Variants in WWOX observed in about 807,000 individuals in gnomAD.
WWOX encodes WW domain containing oxidoreductase, also known as WW domain-containing oxidoreductase.
In WWOX, 69 loss-of-function variants were observed where a neutral mutation model predicts 46.2. That is an observed-to-expected ratio of 1.49 (90% CI 1.23 to 1.82). The LOEUF is 1.82. Ranked by LOEUF, WWOX falls within the 40% of genes most tolerant of loss-of-function variation. The pLI is 0.00. For synonymous variants in WWOX, 359 were observed against 202.6 expected, an observed-to-expected ratio of 1.77 and a Z score of -6.56; for missense variants, 919 against 542.6, an observed-to-expected ratio of 1.69 and a Z score of -6.89.
chr16:78,372,490 G>A (rs376534421), intron 5 of WWOX, among the ~76,000 whole-genome samples: 1 of 152,174 alleles, frequency 6.6e-6, no homozygotes, highest in Non-Finnish European at 1.5e-5. Flanking sequence ...ATCACGCTGG[G>A]GAGGTAAAGA....
chr16:78,722,086 T>C (rs991789246), intron 8 of WWOX, among the ~76,000 whole-genome samples: 5 of 152,210 alleles, frequency 3.3e-5, no homozygotes, highest in Non-Finnish European at 5.9e-5. Context: ...ATATTTTGCT[T>C]TACGTGCCTT....
At chr16:79,090,280 CGTGTGTGTGTGTGTGTGTGTGT>C (rs61538157) in intron 8 of WWOX, among the ~76,000 whole-genome samples, 9 of 138,378 alleles carry the variant, frequency 6.5e-5, no homozygotes, top group African/African-American at 2.1e-4. Flanking sequence ...CTACTGTGTG[CGTGTGTGTGTGTGTGTGTGTGT>C]GTGTGTGTGT....
chr16:78,222,815 G>A (rs757734673), intron 5 of WWOX, among the ~76,000 whole-genome samples: 1 of 152,244 alleles, frequency 6.6e-6, no homozygotes, highest in Non-Finnish European at 1.5e-5. Flanking sequence ...GTTTTATGGT[G>A]CTGAAGAAGT....
intron 8 of WWOX, among the ~76,000 whole-genome samples, chr16:79,029,627 A>T (rs1268089429): frequency 6.6e-6 from 1 of 152,220 alleles, no homozygotes; most frequent in Non-Finnish European, 1.5e-5. Context: ...ATATATTCTT[A>T]TATAAAATTG....
At chr16:78,868,416 G>A (rs1267227288) in intron 8 of WWOX, among the ~76,000 whole-genome samples, 4 of 152,078 alleles carry the variant, frequency 2.6e-5, no homozygotes, top group African/African-American at 9.7e-5. Flanking sequence ...GGCAATTTTG[G>A]GGGGTCAAGA....
At chr16:78,707,125 T>C (rs1287038659) in intron 8 of WWOX, among the ~76,000 whole-genome samples, 2 of 152,236 alleles carry the variant, frequency 1.3e-5, no homozygotes, top group African/African-American at 4.8e-5. Context: ...CTTCCTATAG[T>C]GTTGATTCTG....
At chr16:78,660,639 C>G (rs115571729) in intron 8 of WWOX, among the ~76,000 whole-genome samples, 2,978 of 152,154 alleles carry the variant, frequency 0.02, 74 homozygotes, top group African/African-American at 0.068. Context: ...AATAACCCAT[C>G]AAAGGAATAG....
intron 5 of WWOX, among the ~76,000 whole-genome samples, chr16:78,385,140 C>CACACACACACAA (rs2082034774): frequency 6.6e-6 from 1 of 151,140 alleles, no homozygotes; most frequent in African/African-American, 2.4e-5. Flanking sequence ...TCTAAACACA[C>CACACACACACAA]ACACACACAC....
chr16:78,527,200 C>T (rs1282750723), intron 8 of WWOX, among the ~76,000 whole-genome samples: 1 of 152,020 alleles, frequency 6.6e-6, no homozygotes, highest in African/African-American at 2.4e-5. Context: ...AGATGAACAA[C>T]CCCACACAAC....
chr16:78,210,740 C>G (rs375393514), intron 5 of WWOX, among the ~76,000 whole-genome samples: 49 of 152,254 alleles, frequency 3.2e-4, no homozygotes, highest in African/African-American at 1.1e-3. Context: ...CAGAGGGTGG[C>G]CAAGTGGCAT....
chr16:78,404,980 C>T (rs1031767728), intron 6 of WWOX, among the ~76,000 whole-genome samples: 1 of 152,170 alleles, frequency 6.6e-6, no homozygotes, highest in African/African-American at 2.4e-5. Context: ...ATGCATTTTC[C>T]CTAGAAAACC....
At position 78,345,617 on chromosome 16, in the gene WWOX, G is replaced by A. The variant is rs1402513588; in HGVS notation, c.517-41243G>A. ...ATCCTGTCTCTACACCTCAGTCTGGGTGGCAGAGCAAGACCCTGTCTCAAA... is the reference window on the plus strand; with the variant it reads ...ATCCTGTCTCTACACCTCAGTCTGGATGGCAGAGCAAGACCCTGTCTCAAA... On this transcript the variant is annotated intron_variant, in intron 5 of 8. Coordinates refer to ENST00000566780, the MANE Select transcript of WWOX (RefSeq NM_016373.4). Among the ~76,000 whole-genome samples, 4 of 91,918 alleles carry A rather than the reference G, an allele frequency of 4.4e-5. 2 individuals are homozygous for A. Among genetic ancestry groups the A allele is most frequent in the African/African-American group, 1.5e-4 (4 of 26,870 alleles). The allele number at this position is 91,918 out of a possible 152,430, so 60.3% of individuals were successfully genotyped here.
chr16:79,057,615 C>T (rs1198531364), intron 8 of WWOX, among the ~76,000 whole-genome samples: 2 of 152,014 alleles, frequency 1.3e-5, no homozygotes, highest in Non-Finnish European at 2.9e-5. Flanking sequence ...TCCTTTGATC[C>T]TTGAATGACA....
At chr16:78,905,239 G>C (rs1037805010) in intron 8 of WWOX, among the ~76,000 whole-genome samples, 1 of 152,088 alleles carries the variant, frequency 6.6e-6, no homozygotes, top group African/African-American at 2.4e-5. Flanking sequence ...AGGAGGAGGC[G>C]GAGAAGAAAA....
intron 8 of WWOX, among the ~76,000 whole-genome samples, chr16:79,050,108 G>T (rs867050682): frequency 6.6e-6 from 1 of 152,148 alleles, no homozygotes; most frequent in Non-Finnish European, 1.5e-5. Context: ...CTGCTGCTGC[G>T]TAACCGTGTG....
chr16:78,936,503 G>A (rs1031698632), intron 8 of WWOX, among the ~76,000 whole-genome samples: 2 of 152,130 alleles, frequency 1.3e-5, no homozygotes, highest in Admixed American at 6.5e-5. Context: ...AAGCAGCTGA[G>A]GCAACCTATT....
chr16:78,273,398 T>C (rs935891754), intron 5 of WWOX, among the ~76,000 whole-genome samples: 1 of 152,178 alleles, frequency 6.6e-6, no homozygotes, highest in African/African-American at 2.4e-5. Flanking sequence ...TGACCATAAG[T>C]ATGCTTCTGT....
chr16:79,015,363 T>G (rs1303375248), intron 8 of WWOX, among the ~76,000 whole-genome samples: 1 of 152,188 alleles, frequency 6.6e-6, no homozygotes, highest in Non-Finnish European at 1.5e-5. Context: ...TTCCACATGC[T>G]TTTTGATTTT....
intron 8 of WWOX, among the ~76,000 whole-genome samples, chr16:78,652,671 C>G (rs975498713): frequency 1.3e-5 from 2 of 152,146 alleles, no homozygotes; most frequent in Admixed American, 1.3e-4. Context: ...CTGGATTTAT[C>G]ATCCTCAAGA....
Sources: gnomAD v4.1 joint callset for allele counts (sites outside exome capture counted in the v4.1 genomes callset) on GRCh38, gnomAD v4.1.1 for gene constraint, MANE v1.5 for transcripts, NCBI Gene and HGNC (gene_info 2026-07-23, HGNC 2026-07-21) for gene names.